FAM227A: variants seen among roughly 807,000 people sequenced by gnomAD.
FAM227A encodes family with sequence similarity 227 member A, also known as protein FAM227A.
A neutral mutation model predicts 74.7 loss-of-function variants in FAM227A; 80 were observed. The ratio of observed to expected loss-of-function variants is 1.07; its 90% CI spans 0.89 to 1.29. FAM227A has a LOEUF of 1.29. Among genes scored for constraint, FAM227A ranks in the 50% most tolerant of loss-of-function variants. The probability of loss-of-function intolerance (pLI) is 0.00; values close to 1 mark genes in which losing one functional copy is unlikely to be tolerated. For synonymous variants in FAM227A, 237 were observed against 241.8 expected, an observed-to-expected ratio of 0.98 and a Z score of 0.19; for missense variants, 654 against 683.4, an observed-to-expected ratio of 0.96 and a Z score of 0.48.
chr22:38,646,214 C>G (rs74921833), intron 2 of FAM227A, among the ~76,000 whole-genome samples: 8,408 of 146,716 alleles, frequency 0.057, 484 homozygotes, highest in African/African-American at 0.14. Flanking sequence ...CCTAACAACT[C>G]TGTTAGGACT....
chr22:38,638,782 G>A lies in FAM227A; in HGVS notation c.336C>T (p.Ser112=), dbSNP rs1045343752. The change falls in exon 5 of 17, where the codon TCC becomes TCT. Residue 112 remains serine, a synonymous_variant. Coordinates refer to ENST00000535113, the MANE Select transcript of FAM227A (RefSeq NM_001013647.2). ...CAGAAGATCTGGCATGTCTGAGTTC[G>A]GAGCCTTTGCAGGAATACTGAGATT... The part of the protein sequence containing the change: ...QRKSQYSCKG[S]ELRHARSSVI... 95 of 1,543,338 alleles carry A rather than the reference G, an allele frequency of 6.2e-5. No individual in the cohort carries two copies. Among genetic ancestry groups the A allele is most frequent in the African/African-American group, 1.1e-4 (8 of 72,358 alleles).
At chr22:38,617,203 C>G (rs1018288564) in intron 11 of FAM227A, among the ~76,000 whole-genome samples, 2 of 151,468 alleles carry the variant, frequency 1.3e-5, no homozygotes, top group African/African-American at 4.9e-5. Flanking sequence ...GTTGTTGTAT[C>G]TATTTTATAC....
At chr22:38,638,356 G>A (rs542711649) in intron 5 of FAM227A, among the ~76,000 whole-genome samples, 26 of 152,276 alleles carry the variant, frequency 1.7e-4, no homozygotes, top group African/African-American at 6.0e-4. Flanking sequence ...CTGAATCTCA[G>A]CTTCCTGAGG....
rs994674181 is a variant in FAM227A at position 38,656,221 on chromosome 22, C to T, written c.-196G>A. ...GGGTCGGCCCCCGACAGCCGGTGCC[C>T]CCAAACTCACAGCAAGGGGTGCCCT... On this transcript the variant is annotated 5_prime_UTR_variant, in exon 1 of 17. Coordinates refer to ENST00000535113, the MANE Select transcript of FAM227A (RefSeq NM_001013647.2). The T allele has an allele frequency of 2.6e-5, 4 of 152,318 alleles. No individual in the cohort carries two copies. The highest frequency in any genetic ancestry group is 5.9e-5 in the Non-Finnish European group (4 of 68,136). The allele number at this position is 152,318 out of a possible 1,614,324, so 9.4% of individuals were successfully genotyped here.
In FAM227A at chr22:38,586,144, G is replaced by A. The variant is rs2146108479; in HGVS notation, c.1694C>T (p.Pro565Leu). ...AGCTCCTCAGGGCTTGGAAGTGAGT[G>A]GAAAGAAATGTTCAACTTCTGTTTC... ...RRETEVEHFF[P>L]LTSKP Residue 565 changes from proline to leucine, a missense_variant, in exon 17 of 17, where the codon CCA becomes CTA. By Grantham distance (98) the Pro-to-Leu change is moderately conservative. Coordinates refer to ENST00000535113, the MANE Select transcript of FAM227A (RefSeq NM_001013647.2). The A allele has an allele frequency of 6.4e-7, 1 of 1,551,764 alleles. No individual in the cohort carries two copies. Among genetic ancestry groups the A allele is most frequent in the East Asian group, 2.4e-5 (1 of 40,916 alleles).
chr22:38,641,980 C>T (rs561289380), intron 3 of FAM227A, among the ~76,000 whole-genome samples: 10 of 141,908 alleles, frequency 7.0e-5, no homozygotes, highest in African/African-American at 1.2e-4. Flanking sequence ...TGTGTGCGCA[C>T]GTGTGTGTGC....
chr22:38,655,957 T>A (rs1439775586), intron 1 of FAM227A, among the ~76,000 whole-genome samples, 163 bp downstream of exon 1: 2 of 152,192 alleles, frequency 1.3e-5, no homozygotes, highest in Non-Finnish European at 2.9e-5. Context: ...CTCTAGGAGA[T>A]CTGGAGTTGA....
chr22:38,600,628 A>G (rs2146213107), intron 13 of FAM227A, among the ~76,000 whole-genome samples: 1 of 152,088 alleles, frequency 6.6e-6, no homozygotes, highest in Non-Finnish European at 1.5e-5. Context: ...ATGAGCCATC[A>G]TGCCCAGCCG....
At chr22:38,620,646 A>G (rs1033880144) in intron 10 of FAM227A, among the ~76,000 whole-genome samples, 2 of 151,892 alleles carry the variant, frequency 1.3e-5, no homozygotes, top group African/African-American at 2.4e-5. Flanking sequence ...TACTAAAAAA[A>G]AAAATACAAA....
intron 5 of FAM227A, 138 bp downstream of exon 5, chr22:38,638,608 T>C (rs2092050870): frequency 4.4e-6 from 3 of 683,472 alleles, no homozygotes; most frequent in Non-Finnish European, 7.7e-6. Context: ...TTATGAGAAA[T>C]TCTAGATTCA....
At chr22:38,629,914 G>A (rs1449896588) in intron 6 of FAM227A, among the ~76,000 whole-genome samples, 2 of 134,552 alleles carry the variant, frequency 1.5e-5, no homozygotes, top group Admixed American at 1.5e-4. Context: ...CAGGAAGCGT[G>A]CCTCTTCTTT....
chr22:38,619,867 G>A (rs778331818), intron 11 of FAM227A, among the ~76,000 whole-genome samples: 5 of 152,118 alleles, frequency 3.3e-5, no homozygotes, highest in East Asian at 1.9e-4. Flanking sequence ...GAGAAAGTAC[G>A]TATCAGGGAT....
intron 11 of FAM227A, among the ~76,000 whole-genome samples, chr22:38,613,392 A>T (rs1184873068): frequency 3.6e-5 from 1 of 27,520 alleles, no homozygotes; most frequent in African/African-American, 1.8e-4. Flanking sequence ...ATATTATATA[A>T]TATATATTTA....
chr22:38,646,166 T>C (rs2092231384), intron 2 of FAM227A, among the ~76,000 whole-genome samples: 1 of 150,356 alleles, frequency 6.7e-6, no homozygotes, highest in Non-Finnish European at 1.5e-5. Context: ...CCTTGGAACA[T>C]ATAAAAAGTG....
At chr22:38,631,223 T>C (rs976821410) in intron 6 of FAM227A, among the ~76,000 whole-genome samples, 3 of 152,040 alleles carry the variant, frequency 2.0e-5, no homozygotes, top group South Asian at 2.1e-4. Context: ...AAGAATGATA[T>C]CGTGTCCTTT....
intron 11 of FAM227A, among the ~76,000 whole-genome samples, chr22:38,615,826 A>G (rs1266628329): frequency 6.6e-6 from 1 of 152,172 alleles, no homozygotes; most frequent in Non-Finnish European, 1.5e-5. Context: ...GCTACAAGTA[A>G]AAGAAAGGAG....
intron 9 of FAM227A, among the ~76,000 whole-genome samples, chr22:38,624,659 T>A: frequency 6.6e-6 from 1 of 152,156 alleles, no homozygotes; most frequent in African/African-American, 2.4e-5. Context: ...TATGTGACGA[T>A]CCCAATGAAA....
rs767093033 is a variant in FAM227A, at chr22:38,582,264, G to C, written c.*3861C>G. On this transcript the variant is annotated 3_prime_UTR_variant, in exon 17 of 17. Coordinates refer to ENST00000535113, the MANE Select transcript of FAM227A (RefSeq NM_001013647.2). The stretch of plus-strand genomic sequence containing the variant: ...TATCCCTCCTGTTCTTCAGGAAACT[G>C]TATGTTCTAAAACATACATTTCATC... 4.7e-5 allele frequency: 65 copies of C among 1,392,048 alleles called. No homozygotes were observed. Among genetic ancestry groups the C allele is most frequent in the Middle Eastern group, 4.2e-4 (2 of 4,740 alleles). The allele number at this position is 1,392,048 out of a possible 1,614,324, so 86.2% of individuals were successfully genotyped here.
chr22:38,646,250 T>C (rs1306088141), intron 2 of FAM227A, among the ~76,000 whole-genome samples: 1 of 40,246 alleles, frequency 2.5e-5, no homozygotes, highest in South Asian at 9.5e-4. Flanking sequence ...CAGTATTTCT[T>C]TTTTTTTTTT....
Sources: gnomAD v4.1 joint callset for allele counts (sites outside exome capture counted in the v4.1 genomes callset) on GRCh38, gnomAD v4.1.1 for gene constraint, MANE v1.5 for transcripts, NCBI Gene and HGNC (gene_info 2026-07-23, HGNC 2026-07-21) for gene names.